INPP5A: variants seen among roughly 807,000 people sequenced by gnomAD.
INPP5A encodes the protein inositol polyphosphate-5-phosphatase A, also known as 43 kDa inositol polyphosphate 5-phophatase.
Under a neutral mutation model 65.2 loss-of-function variants are expected in INPP5A, and 14 were observed. That is an observed-to-expected ratio of 0.21 (90% confidence interval 0.14 to 0.34). INPP5A has a LOEUF of 0.34. INPP5A is among the 10% of genes least tolerant of loss of function. The pLI is 1.00. For synonymous variants in INPP5A, 207 were observed against 208.3 expected (o/e 0.99, Z 0.05); for missense variants, 431 against 545.6 (o/e 0.79, Z 2.09).
At chr10:132,713,022 G>A (rs1845674538) in intron 8 of INPP5A, among the ~76,000 whole-genome samples, 2 of 151,484 alleles carry the variant, frequency 1.3e-5, no homozygotes, top group South Asian at 4.2e-4. Flanking sequence ...TGGGGTGTAT[G>A]TATGTATGTG....
chr10:132,615,335 G>A (rs1348996938), intron 2 of INPP5A, among the ~76,000 whole-genome samples: 1 of 152,238 alleles, frequency 6.6e-6, no homozygotes, highest in Admixed American at 6.5e-5. Context: ...GCTGGTTTTA[G>A]CCTTTAAAAA....
chr10:132,728,018 C>T (rs1441510198), intron 9 of INPP5A, among the ~76,000 whole-genome samples: 1 of 152,204 alleles, frequency 6.6e-6, no homozygotes, highest in Non-Finnish European at 1.5e-5. Flanking sequence ...CTTTGATCAT[C>T]CTGGGTCTCT....
intron 12 of INPP5A, among the ~76,000 whole-genome samples, chr10:132,772,666 A>C (rs79262470): frequency 7.6e-5 from 8 of 105,284 alleles, no homozygotes; most frequent in African/African-American, 1.0e-4. Flanking sequence ...CACAGAGGCC[A>C]CGGCAGCCGC....
chr10:132,727,961 C>A lies in INPP5A; in HGVS notation c.732+1056C>A, dbSNP rs1460481977. ...GTTCCAAACACCCACACGTATTCAT[C>A]TTCCAACGGTGGCAGGACATTGTTT... On this transcript the variant is annotated intron_variant, in intron 9 of 15. Transcript: ENST00000368594. The surrounding 1 kb of genome is among the most constrained non-coding windows in gnomAD (Gnocchi z 6.5). 2.0e-5 allele frequency among the ~76,000 whole-genome samples: 3 copies of A among 152,218 alleles called. No individual in the cohort carries two copies. In the East Asian group the frequency reaches 5.8e-4, roughly 29 times the overall value.
chr10:132,724,315 G>A (rs79990216), intron 8 of INPP5A, among the ~76,000 whole-genome samples: 12,839 of 152,096 alleles, frequency 0.084, 1,081 homozygotes, highest in African/African-American at 0.22. Flanking sequence ...GGAAATCGAT[G>A]AACTTAGATC....
chr10:132,633,010 G>T (rs1260679913), intron 2 of INPP5A, among the ~76,000 whole-genome samples: 1 of 152,234 alleles, frequency 6.6e-6, no homozygotes, highest in African/African-American at 2.4e-5. Context: ...GCACACCACT[G>T]CCTGGGGAGT....
chr10:132,774,519 G>A (rs1001720165), intron 12 of INPP5A, among the ~76,000 whole-genome samples: 2 of 152,230 alleles, frequency 1.3e-5, no homozygotes, highest in African/African-American at 4.8e-5. Flanking sequence ...CAGGGCGGCT[G>A]AGCACTGTGG....
chr10:132,559,806 G>A (rs544738535), intron 1 of INPP5A, among the ~76,000 whole-genome samples: 3 of 152,362 alleles, frequency 2.0e-5, no homozygotes, highest in South Asian at 2.1e-4. Context: ...TACTCAGCAC[G>A]TGTGTTCTGG....
At chr10:132,630,855 T>C (rs1246349297) in intron 2 of INPP5A, among the ~76,000 whole-genome samples, 4 of 152,300 alleles carry the variant, frequency 2.6e-5, no homozygotes, top group South Asian at 2.1e-4. Context: ...GGAGCTTCGA[T>C]GGCCCAAGCC....
intron 8 of INPP5A, 39 bp downstream of exon 8, chr10:132,710,495 T>TAGGTGTGCTGGGCAGGC: frequency 6.3e-7 from 1 of 1,598,112 alleles, no homozygotes; most frequent in Non-Finnish European, 8.5e-7. Flanking sequence ...GCCGGGCAAG[T>TAGGTGTGCTGGGCAGGC]AGGTGTGCTG....
chr10:132,542,004 T>C (rs2070912402), intron 1 of INPP5A, among the ~76,000 whole-genome samples: 1 of 152,274 alleles, frequency 6.6e-6, no homozygotes, highest in South Asian at 2.1e-4. Flanking sequence ...TGCTTTGATG[T>C]GGCTGGTTTT....
intron 1 of INPP5A, among the ~76,000 whole-genome samples, chr10:132,542,458 T>A (rs1002066992): frequency 2.0e-5 from 3 of 152,216 alleles, no homozygotes; most frequent in African/African-American, 7.2e-5. Flanking sequence ...CATTGCCTTC[T>A]TTGCCATGTG....
chr10:132,677,670 G>A (rs1299813285), intron 4 of INPP5A, among the ~76,000 whole-genome samples: 2 of 152,332 alleles, frequency 1.3e-5, no homozygotes, highest in Non-Finnish European at 2.9e-5. Flanking sequence ...GTTAACGGGC[G>A]CACTCGTCTG....
At position 132,567,514 on chromosome 10, in the gene INPP5A, T is replaced by G. The variant is rs576583313; in HGVS notation, c.75+29343T>G. Among the ~76,000 whole-genome samples the G allele has an allele frequency of 1.4e-4, 22 of 152,352 alleles. No homozygotes were observed. In the South Asian group the frequency reaches 4.6e-3, roughly 32 times the overall value. ...GGTTTGGTTCCTATGTTTCCCCTGA[T>G]AGGAACATCGTAAATAACCATGCTT... On this transcript the variant is annotated intron_variant, in intron 1 of 15. Transcript: ENST00000368594.
At chr10:132,580,802 G>A (rs962719622) in intron 1 of INPP5A, among the ~76,000 whole-genome samples, 2 of 152,180 alleles carry the variant, frequency 1.3e-5, no homozygotes, top group African/African-American at 4.8e-5. Context: ...TGATTTTGAT[G>A]CATTTCCAGG....
At chr10:132,634,442 T>TGAGTGTGCCACGGAGAG (rs1385833201) in intron 2 of INPP5A, among the ~76,000 whole-genome samples, 6 of 152,230 alleles carry the variant, frequency 3.9e-5, no homozygotes, top group Non-Finnish European at 5.9e-5. Flanking sequence ...TCTCCCTTGG[T>TGAGTGTGCCACGGAGAG]GAGTGTGCCA....
At chr10:132,681,680 G>A (rs1407179933) in intron 4 of INPP5A, among the ~76,000 whole-genome samples, 3 of 152,176 alleles carry the variant, frequency 2.0e-5, no homozygotes, top group Admixed American at 6.5e-5. Flanking sequence ...GAACATTGAG[G>A]TGATTATTCA....
intron 8 of INPP5A, among the ~76,000 whole-genome samples, chr10:132,720,194 T>G (rs1400072314): frequency 1.3e-5 from 2 of 150,816 alleles, no homozygotes; most frequent in African/African-American, 2.4e-5. Context: ...TAGACGGCTG[T>G]CTTGTGGGTT....
In INPP5A at chr10:132,659,666, C is replaced by T. The variant is rs971540014; in HGVS notation, c.306+9161C>T. 2.0e-5 allele frequency among the ~76,000 whole-genome samples: 3 copies of T among 152,230 alleles called. No homozygotes were observed. Among genetic ancestry groups the T allele is most frequent in the Non-Finnish European group, 4.4e-5 (3 of 68,042 alleles). On this transcript the variant is annotated intron_variant, in intron 4 of 15. Coordinates refer to ENST00000368594, the MANE Select transcript of INPP5A (RefSeq NM_005539.5). This position sits in a 1 kb window ranked among gnomAD's most constrained non-coding sequence, Gnocchi z 5.5. ...GTCCCCTGCAGAGGAGACCTCTGCA[C>T]GCAGGCCCACAGCAAGGGCCGGATC...
Sources: gnomAD v4.1 joint callset for allele counts (sites outside exome capture counted in the v4.1 genomes callset) on GRCh38, gnomAD v4.1.1 for gene constraint, Gnocchi (gnomAD v3.1) non-coding constraint, MANE v1.5 for transcripts, NCBI Gene and HGNC (gene_info 2026-07-23, HGNC 2026-07-21) for gene names.